NMRK2: variants seen among roughly 807,000 people sequenced by gnomAD.
The protein encoded by NMRK2 is nicotinamide riboside kinase 2, also known as NRK 2.
Under a neutral mutation model 24.7 loss-of-function variants are expected in NMRK2, and 34 were observed. The observed-to-expected ratio is 1.37, with a 90% CI of 1.05 to 1.83. The LOEUF (loss-of-function observed/expected upper bound fraction) is 1.83, where lower values mean the gene tolerates loss of function less well. NMRK2 is among the 40% of genes most tolerant of loss of function. The probability of loss-of-function intolerance (pLI) is 0.00; values close to 1 mark genes in which losing one functional copy is unlikely to be tolerated. For synonymous variants in NMRK2, 145 were observed against 125.6 expected (o/e 1.15, Z -1.03); for missense variants, 341 against 315.0 (o/e 1.08, Z -0.62).
intron 7 of NMRK2, 32 bp downstream of exon 7, chr19:3,941,209 C>CG: frequency 5.6e-6 from 3 of 535,522 alleles, no homozygotes; most frequent in African/African-American, 2.0e-5. Context: ...GGCCTTGCCC[C>CG]GGGCGGGCGG....
At position 3,936,650 on chromosome 19, in the gene NMRK2, G is replaced by A. The variant is rs1447205212; in HGVS notation, c.102G>A (p.Gln34=). Residue 34 remains glutamine (Q), a synonymous_variant, in exon 3 of 8, where the codon CAG becomes CAA. Transcript: ENST00000168977. Reference sequence around the variant, plus strand: ...TGCCCAACTGCTGCGTGATCCATCAGGATGACTTCTTCAAGGTGCCCGCCC... The same window carrying A: ...TGCCCAACTGCTGCGTGATCCATCAAGATGACTTCTTCAAGGTGCCCGCCC... ...RALPNCCVIH[Q]DDFFKPQDQI... 1 of 1,569,168 alleles carries A rather than the reference G, an allele frequency of 6.4e-7. No homozygotes were observed. Among genetic ancestry groups the A allele is most frequent in the South Asian group, 1.2e-5 (1 of 85,314 alleles).
chr19:3,938,849 GTTTTTT>G (rs59201914), intron 5 of NMRK2, 90 bp downstream of exon 5: 5 of 228,096 alleles, frequency 2.2e-5, no homozygotes, highest in African/African-American at 1.2e-4. Context: ...TTTTTGTTTT[GTTTTTT>G]TTTTTTTTTG....
In NMRK2 at chr19:3,938,628, C is replaced by T. The variant is rs2039261348; in HGVS notation, c.192C>T (p.Ala64=). Residue 64 remains alanine (A), a synonymous_variant, in exon 5 of 8, where the codon GCC becomes GCT. Coordinates refer to ENST00000168977, the MANE Select transcript of NMRK2 (RefSeq NM_170678.3). ...WDVLESLDME[A]MLDTVQAWLS... ...TGCTGGAGTCTCTGGACATGGAGGC[C>T]ATGCTGGACACCGTGCAGGCCTGGC... The T allele has an allele frequency of 1.3e-6, 2 of 1,597,880 alleles. No individual in the cohort carries two copies. Among genetic ancestry groups the T allele is most frequent in the Non-Finnish European group, 8.5e-7 (1 of 1,170,086 alleles).
In NMRK2 at chr19:3,936,555, T is replaced by C. The variant is rs2145292530; in HGVS notation, c.27-20T>C. The C allele has an allele frequency of 6.5e-7, 1 of 1,531,506 alleles. No homozygotes were observed. Among genetic ancestry groups the C allele is most frequent in the South Asian group, 1.2e-5 (1 of 82,834 alleles). 94.9% of individuals were successfully genotyped at this position (1,531,506 alleles called of 1,614,324 possible). ...CTTGGGGGGAGCCCAGGCAGTCTCATGCACACGCTGTCTCCCCAGCATGAC... is the reference window on the plus strand; with the variant it reads ...CTTGGGGGGAGCCCAGGCAGTCTCACGCACACGCTGTCTCCCCAGCATGAC... On this transcript the variant is annotated intron_variant, in intron 2 of 7. Coordinates refer to ENST00000168977, the MANE Select transcript of NMRK2 (RefSeq NM_170678.3).
In NMRK2 at chr19:3,938,751, C is replaced by T. The variant is rs780367128; in HGVS notation, c.315C>T (p.Tyr105=). The stretch of plus-strand genomic sequence containing the variant: ...TCCTCCTGGAAGGCTTCCTGCTCTA[C>T]AGCTACAAGTAAACATCTGCAGGCT... ...HILLLEGFLL[Y]SYKPLVDLYS... is the part of the protein sequence containing the mutation. Residue 105 remains tyrosine, a synonymous_variant, in exon 5 of 8, where the codon TAC becomes TAT. Coordinates refer to ENST00000168977, the MANE Select transcript of NMRK2 (RefSeq NM_170678.3). The T allele has an allele frequency of 1.3e-6, 2 of 1,591,306 alleles. No individual in the cohort carries two copies. Among genetic ancestry groups the T allele is most frequent in the Admixed American group, 3.4e-5 (2 of 58,296 alleles).
intron 5 of NMRK2, among the ~76,000 whole-genome samples, chr19:3,939,292 C>T (rs2039282881): frequency 6.6e-6 from 1 of 151,950 alleles, no homozygotes; most frequent in South Asian, 2.1e-4. Context: ...ATGGATGGAT[C>T]ACCTGAGGTC....
At chr19:3,936,208 C>A (rs2039210033) in intron 2 of NMRK2, among the ~76,000 whole-genome samples, 1 of 147,680 alleles carries the variant, frequency 6.8e-6, no homozygotes. Flanking sequence ...GAAACTCCGT[C>A]TCGGAAAAAA....
chr19:3,942,111 G>T lies in NMRK2; in HGVS notation c.531G>T (p.Glu177Asp). The T allele has an allele frequency of 1.2e-6, 2 of 1,613,272 alleles. No individual in the cohort carries two copies. The highest frequency in any genetic ancestry group is 1.7e-6 in the Non-Finnish European group (2 of 1,179,974). ...ACCTGGACGGCATGAAGTCCCGAGA[G>T]GAGCTCTTCCGTGAAGTCCTGGAAG... The part of the protein sequence containing the change: ...VVYLDGMKSR[E>D]ELFREVLEDI... The change falls in exon 8 of 8, where the codon GAG becomes GAT. Residue 177 changes from glutamate (E) to aspartate (D), a missense_variant. Coordinates refer to ENST00000168977, the MANE Select transcript of NMRK2 (RefSeq NM_170678.3).
Position 3,933,607 on chromosome 19 carries a change from C to T in NMRK2, c.-65C>T. 6.7e-7 allele frequency: 1 copy of T among 1,502,204 alleles called. No homozygotes were observed. Among genetic ancestry groups the T allele is most frequent in the Admixed American group, 2.1e-5 (1 of 48,246 alleles). The allele number at this position is 1,502,204 out of a possible 1,614,324, so 93.1% of individuals were successfully genotyped here. A position where few individuals can be genotyped will look rare whatever the true frequency, so the allele number is the denominator to read the frequency against. On this transcript the variant is annotated 5_prime_UTR_variant, in exon 2 of 8. Transcript: ENST00000168977. ...TGAAGCCGGGACGCACTCCGGAGCGCACTGCGTGGTCGCACCCTACCCGGG... is the reference window on the plus strand; with the variant it reads ...TGAAGCCGGGACGCACTCCGGAGCGTACTGCGTGGTCGCACCCTACCCGGG...
rs983196483 is a variant in NMRK2 at position 3,936,981 on chromosome 19, G to C, written c.118-259G>C. ...GCCAGCCGGCTGTGGCTTTCTGGGTGAATACCCTTTATTCCTCTCCACCTC... is the reference window on the plus strand; with the variant it reads ...GCCAGCCGGCTGTGGCTTTCTGGGTCAATACCCTTTATTCCTCTCCACCTC... On this transcript the variant is annotated intron_variant, in intron 3 of 7. Transcript: ENST00000168977. 9.2e-5 allele frequency among the ~76,000 whole-genome samples: 14 copies of C among 152,256 alleles called. No homozygotes were observed. In the South Asian group the frequency reaches 2.3e-3, roughly 25 times the overall value.
chr19:3,939,096 G>T (rs775162553), intron 5 of NMRK2, among the ~76,000 whole-genome samples: 2 of 151,596 alleles, frequency 1.3e-5, no homozygotes, highest in African/African-American at 4.8e-5. Flanking sequence ...CCATCCGCCC[G>T]CCTCGGACTC....
chr19:3,933,473 A>C lies in NMRK2; in HGVS notation c.-199A>C. The C allele has an allele frequency of 3.7e-6, 2 of 540,288 alleles. No homozygotes were observed. Among genetic ancestry groups the C allele is most frequent in the South Asian group, 4.7e-5 (2 of 42,598 alleles). 33.5% of individuals were successfully genotyped at this position (540,288 alleles called of 1,614,324 possible). ...CAAAAGGCAGCCTGGAGCTATTTCC[A>C]TTCGGCGGCGGGAACAGGTGCCGGC... On this transcript the variant is annotated 5_prime_UTR_variant, in exon 2 of 8. Transcript: ENST00000168977.
At chr19:3,940,412 T>TA (rs1302714709) in intron 6 of NMRK2, among the ~76,000 whole-genome samples, 1 of 145,980 alleles carries the variant, frequency 6.9e-6, no homozygotes, top group African/African-American at 2.6e-5. Context: ...TTGGGAGGCT[T>TA]GGGCGGATCA....
At chr19:3,941,985 C>A in intron 7 of NMRK2, 98 bp from the exon 8 acceptor site, 1 of 979,148 alleles carries the variant, frequency 1.0e-6, no homozygotes, top group Non-Finnish European at 1.6e-6. Context: ...CAGCCCGACT[C>A]TGCAGATCTC....
At chr19:3,937,209 T>A (rs1327738041) in intron 3 of NMRK2, 31 bp from the exon 4 acceptor site, 2 of 1,611,152 alleles carry the variant, frequency 1.2e-6, no homozygotes, top group Admixed American at 1.7e-5. Context: ...GACCGGGCAC[T>A]GAGCCCGAGG....
At position 3,936,556 on chromosome 19, in the gene NMRK2, G is replaced by A. The variant is rs544428504; in HGVS notation, c.27-19G>A. 6 of 1,532,756 alleles carry A rather than the reference G, an allele frequency of 3.9e-6. No homozygotes were observed. The African/African-American group carries it at 4.1e-5, about 11-fold the overall frequency. 94.9% of individuals were successfully genotyped at this position (1,532,756 alleles called of 1,614,324 possible). On this transcript the variant is annotated intron_variant, in intron 2 of 7. Coordinates refer to ENST00000168977, the MANE Select transcript of NMRK2 (RefSeq NM_170678.3). ...TTGGGGGGAGCCCAGGCAGTCTCAT[G>A]CACACGCTGTCTCCCCAGCATGACC...
chr19:3,939,283 T>C (rs112421147), intron 5 of NMRK2, among the ~76,000 whole-genome samples: 9,871 of 150,716 alleles, frequency 0.065, 435 homozygotes, highest in Non-Finnish European at 0.093. Context: ...GAGGCCAAGA[T>C]GGATGGATCA....
intron 2 of NMRK2, among the ~76,000 whole-genome samples, chr19:3,935,691 C>T (rs1009746075): frequency 2.6e-5 from 4 of 151,894 alleles, no homozygotes; most frequent in Non-Finnish European, 5.9e-5. Flanking sequence ...GCGATCCTCC[C>T]ATCTCAGCCT....
chr19:3,933,766 C>T, intron 2 of NMRK2, 69 bp downstream of exon 2: 8 of 1,334,298 alleles, frequency 6.0e-6, no homozygotes, highest in Non-Finnish European at 7.7e-6. Flanking sequence ...AGGGGGAGGC[C>T]CGGGAATGAA....
Sources: gnomAD v4.1 joint callset for allele counts (sites outside exome capture counted in the v4.1 genomes callset) on GRCh38, gnomAD v4.1.1 for gene constraint, MANE v1.5 for transcripts, NCBI Gene and HGNC (gene_info 2026-07-23, HGNC 2026-07-21) for gene names.